The following AHNAK2 variants were observed in gnomAD, a reference collection of about 807,000 sequenced individuals.
AHNAK2 encodes the protein AHNAK nucleoprotein 2.
AHNAK2 carries 18 observed loss-of-function variants against 30.7 expected under a neutral mutation model. The observed-to-expected ratio is 0.59, with a 90% CI of 0.41 to 0.87. AHNAK2 has a LOEUF of 0.87. Ranked by LOEUF, AHNAK2 falls within the 40% of genes least tolerant of loss-of-function variation. The pLI is 0.00. For synonymous variants in AHNAK2, 3,590 were observed against 3,073.8 expected (o/e 1.17, Z -5.56); for missense variants, 8,604 against 7,373.0 (o/e 1.17, Z -6.11).
Position 104,946,420 on chromosome 14 carries a change from C to T in AHNAK2, c.9031G>A (p.Glu3011Lys), listed in dbSNP as rs548105109. 25 of 1,612,698 alleles carry T rather than the reference C, an allele frequency of 1.6e-5. No homozygotes were observed. The highest frequency in any genetic ancestry group is 2.7e-5 in the African/African-American group (2 of 74,640). ...VDVSAPKVEA[E>K]VSLPSMQGDL... ...CCCTGCATGGAGGGGAGGCTCACTTCGGCCTCCACCTTCGGCGCAGACACA... is the reference window on the plus strand; with the variant it reads ...CCCTGCATGGAGGGGAGGCTCACTTTGGCCTCCACCTTCGGCGCAGACACA... Residue 3011 changes from glutamate to lysine, a missense_variant, in exon 7 of 7, where the codon GAA becomes AAA. Glu to Lys is a moderately conservative substitution (Grantham distance 56). Transcript: ENST00000333244.
At position 104,950,821 on chromosome 14, in the gene AHNAK2, G is replaced by C. The variant is rs756908587; in HGVS notation, c.4630C>G (p.Gln1544Glu). 2.0e-5 allele frequency: 31 copies of C among 1,585,902 alleles called. 8 individuals carry two copies. The South Asian group carries it at 3.2e-4, about 17-fold the overall frequency. The change falls in exon 7 of 7, where the codon CAG becomes GAG. Residue 1544 changes from glutamine (Q) to glutamate (E), a missense_variant. Gln to Glu is a conservative substitution (Grantham distance 29, BLOSUM62 2). Transcript: ENST00000333244. Reference sequence around the variant, plus strand: ...ACCTCCAGGTCAGCAGAAGGGGGCTGTATGCTCAGGTCAGTGGCCTTGAGG... The same window carrying C: ...ACCTCCAGGTCAGCAGAAGGGGGCTCTATGCTCAGGTCAGTGGCCTTGAGG... ...GDLKATDLSI[Q>E]PPSADLEVQA... is the part of the protein sequence containing the mutation.
At position 104,942,424 on chromosome 14, in the gene AHNAK2, T is replaced by C. The variant is rs777823044; in HGVS notation, c.13027A>G (p.Thr4343Ala). The C allele has an allele frequency of 2.7e-5, 43 of 1,612,422 alleles. No homozygotes were observed. The highest frequency in any genetic ancestry group is 3.3e-4 in the Middle Eastern group (2 of 6,078). The stretch of plus-strand genomic sequence containing the variant: ...GGGGGCTGAATGCTGAGGTGAGTGG[T>C]CTTCAGGTCCCCCTGCATGGAGGGG... ...SLPSMQGDLKTTHLSIQPPSA... is the reference protein window; with the variant it reads ...SLPSMQGDLKATHLSIQPPSA... Residue 4343 changes from threonine (T) to alanine (A), a missense_variant, in exon 7 of 7, where the codon ACC becomes GCC. Thr to Ala is a moderately conservative substitution (Grantham distance 58). Transcript: ENST00000333244.
intron 1 of AHNAK2, among the ~76,000 whole-genome samples, chr14:104,974,373 C>T (rs1899547692): frequency 6.6e-6 from 1 of 152,262 alleles, no homozygotes; most frequent in Non-Finnish European, 1.5e-5. Flanking sequence ...CAGGACAAAG[C>T]CCTCCCTCCA....
Position 104,953,285 on chromosome 14 carries a change from G to A in AHNAK2, c.2166C>T (p.Asp722=), listed in dbSNP as rs554058247. The stretch of plus-strand genomic sequence containing the variant: ...CAGCGGAAGGGGTCTGGACGCTGAG[G>A]TCAGTGGTCTTGAGGTCCCCCTGCA... The part of the protein sequence containing the change: ...LSMQGDLKTT[D]LSVQTPSADL... Residue 722 remains aspartate, a synonymous_variant, in exon 7 of 7, where the codon GAC becomes GAT. Transcript: ENST00000333244. The A allele has an allele frequency of 1.3e-5, 21 of 1,612,856 alleles. No individual in the cohort carries two copies. Among genetic ancestry groups the A allele is most frequent in the Non-Finnish European group, 1.7e-5 (20 of 1,179,644 alleles).
rs757563020 is a variant in AHNAK2, at chr14:104,951,618, T to A, written c.3833A>T (p.His1278Leu). 3.2e-6 allele frequency: 4 copies of A among 1,244,754 alleles called. No individual in the cohort carries two copies. 77.1% of individuals were successfully genotyped at this position (1,244,754 alleles called of 1,614,324 possible). ...TTCGTGGGCCGTCACCTCTGCCTTA[T>A]GACCTTTCAGGTCCAGCTTGGGGCC... Reference protein sequence around the residue: ...VRGPKLDLKGHKAEVTAHEVA... With the variant: ...VRGPKLDLKGLKAEVTAHEVA... Residue 1278 changes from histidine (H) to leucine (L), a missense_variant, in exon 7 of 7, where the codon CAT (histidine) becomes CTT (leucine). Transcript: ENST00000333244.
chr14:104,960,032 A>G (rs2819446), intron 1 of AHNAK2, among the ~76,000 whole-genome samples: 20,580 of 152,208 alleles, frequency 0.14, 2,443 homozygotes, highest in East Asian at 0.5. Flanking sequence ...TAGATTATAG[A>G]TAATATGTAA....
Position 104,953,420 on chromosome 14 carries a change from C to A in AHNAK2, c.2031G>T (p.Met677Ile), listed in dbSNP as rs766157614. The change falls in exon 7 of 7, where the codon ATG (methionine) becomes ATT (isoleucine). Residue 677 changes from methionine to isoleucine, a missense_variant. Transcript: ENST00000333244. ...CGAACAATGGCATCTTGAACTTGGG[C>A]ATTTTGAACTTGCTGTCTTTGGTGG... ...EVATKDSKFK[M>I]PKFKMPLFGA... 6.8e-6 allele frequency: 11 copies of A among 1,613,932 alleles called. No individual in the cohort carries two copies. In the African/African-American group the frequency reaches 1.5e-4, roughly 22 times the overall value.
At position 104,940,723 on chromosome 14, in the gene AHNAK2, G is replaced by A; in HGVS notation, c.14728C>T (p.Gln4910Ter). The A allele has an allele frequency of 2.5e-6, 4 of 1,612,916 alleles. No individual in the cohort carries two copies. The highest frequency in any genetic ancestry group is 2.2e-5 in the South Asian group (2 of 91,078). The change falls in exon 7 of 7, where the codon CAG becomes TAG. Residue 4910 changes from glutamine (Q) to a stop codon, truncating the protein, a stop_gained. Coordinates refer to ENST00000333244, the MANE Select transcript of AHNAK2 (RefSeq NM_138420.4). LOFTEE classifies it low-confidence loss of function (END_TRUNC). The surrounding 1 kb of genome is among the most constrained non-coding windows in gnomAD (Gnocchi z 4.4). ...ACACAGGTGCCTGGGGATGGCAGCT[G>A]GGTGCTTGGCAAGGGGCACTGCACT... ...ERVQCPLPST[Q>*]LPSPGTCVSQ... is the part of the protein sequence containing the mutation.
In AHNAK2 at chr14:104,940,384, T is replaced by C. The variant is rs764443023; in HGVS notation, c.15067A>G (p.Met5023Val). ...ATTTTGGGAAGTGCAAGTTTTGGCA[T>C]GGCAAAGCCAGGCTTTGTGCTCCTC... is the stretch of plus-strand genomic sequence containing the variant. ...KGRSTKPGFA[M>V]PKLALPKMKA... Residue 5023 changes from methionine to valine, a missense_variant, in exon 7 of 7, where the codon ATG (methionine) becomes GTG (valine). Coordinates refer to ENST00000333244, the MANE Select transcript of AHNAK2 (RefSeq NM_138420.4). This position sits in a 1 kb window ranked among gnomAD's most constrained non-coding sequence, Gnocchi z 4.4. 1 of 1,613,936 alleles carries C rather than the reference T, an allele frequency of 6.2e-7. No individual in the cohort carries two copies. The highest frequency in any genetic ancestry group is 8.5e-7 in the Non-Finnish European group (1 of 1,179,882).
At chr14:104,964,789 G>T (rs181100215) in intron 1 of AHNAK2, among the ~76,000 whole-genome samples, 288 of 152,300 alleles carry the variant, frequency 1.9e-3, no homozygotes, top group Middle Eastern at 3.4e-3. Flanking sequence ...GGCAGACAGG[G>T]TCTCCTGGAG....
At position 104,940,704 on chromosome 14, in the gene AHNAK2, G is replaced by A. The variant is rs761068055; in HGVS notation, c.14747C>T (p.Thr4916Ile). 5.6e-6 allele frequency: 9 copies of A among 1,613,042 alleles called. No homozygotes were observed. Among genetic ancestry groups the A allele is most frequent in the South Asian group, 3.3e-5 (3 of 91,086 alleles). The change falls in exon 7 of 7, where the codon ACC (threonine) becomes ATC (isoleucine). Residue 4916 changes from threonine (T) to isoleucine (I), a missense_variant. Physicochemically the swap from Thr to Ile is moderately conservative, Grantham distance 89 (BLOSUM62 -1). Transcript: ENST00000333244. This position sits in a 1 kb window ranked among gnomAD's most constrained non-coding sequence, Gnocchi z 4.4. The stretch of plus-strand genomic sequence containing the variant: ...CTCTTCTGGGCCCTGAGACACACAG[G>A]TGCCTGGGGATGGCAGCTGGGTGCT... Reference protein sequence around the residue: ...LPSTQLPSPGTCVSQGPEELV... With the variant: ...LPSTQLPSPGICVSQGPEELV...
rs778423016 is a variant in AHNAK2, at chr14:104,943,418, G to A, written c.12033C>T (p.Leu4011=). The change falls in exon 7 of 7, where the codon CTC becomes CTT. Residue 4011 remains leucine, a synonymous_variant. Coordinates refer to ENST00000333244, the MANE Select transcript of AHNAK2 (RefSeq NM_138420.4). ...GCTGAACGCTGAGGTCAGTGGCCTT[G>A]AGGTCCCCCTGCATGGAAGGGAGGC... The part of the protein sequence containing the change: ...DVSLPSMQGD[L]KATDLSVQPP... The A allele has an allele frequency of 6.2e-7, 1 of 1,613,034 alleles. No individual in the cohort carries two copies. Among genetic ancestry groups the A allele is most frequent in the Non-Finnish European group, 8.5e-7 (1 of 1,179,590 alleles).
At position 104,951,966 on chromosome 14, in the gene AHNAK2, C is replaced by A. The variant is rs140082598; in HGVS notation, c.3485G>T (p.Arg1162Met). Residue 1162 changes from arginine (R) to methionine (M), a missense_variant, in exon 7 of 7, where the codon AGG becomes ATG. Transcript: ENST00000333244. ...CATCTTGAACTTGGGCATTTTGAAC[C>A]TGCTGTCTTTGGCAGTCACATCCTT... ...ADKDVTAKDS[R>M]FKMPKFKMPS... is the part of the protein sequence containing the mutation. 5.0e-6 allele frequency: 8 copies of A among 1,606,190 alleles called. No homozygotes were observed. The South Asian group carries it at 8.8e-5, about 18-fold the overall frequency.
In AHNAK2 at chr14:104,949,515, T is replaced by G. The variant is rs1452141714; in HGVS notation, c.5936A>C (p.Lys1979Thr). 6.3e-7 allele frequency: 1 copy of G among 1,588,120 alleles called. No individual in the cohort carries two copies. Among genetic ancestry groups the G allele is most frequent in the East Asian group, 2.2e-5 (1 of 44,674 alleles). The change falls in exon 7 of 7, where the codon AAG (lysine) becomes ACG (threonine). Residue 1979 changes from lysine to threonine, a missense_variant. Lys to Thr is a moderately conservative substitution (Grantham distance 78, BLOSUM62 -1). Transcript: ENST00000333244. ...CTTGCTGTCTTTGGCAGTCATGTCC[T>G]TGTCGGCCAGGGACAGGTCTCCCTC... is the stretch of plus-strand genomic sequence containing the variant. ...RLEGDLSLAD[K>T]DMTAKDSKFK...
Position 104,953,514 on chromosome 14 carries a change from G to C in AHNAK2, c.1937C>G (p.Thr646Arg). The C allele has an allele frequency of 6.2e-7, 1 of 1,613,866 alleles. No homozygotes were observed. The highest frequency in any genetic ancestry group is 8.5e-7 in the Non-Finnish European group (1 of 1,179,866). ...KEDSDSMTNTTKIQLIHDEKR... is the reference protein window; with the variant it reads ...KEDSDSMTNTRKIQLIHDEKR... ...TTCATCGTGTATTAGTTGTATTTTT[G>C]TTGTGTTTGTCATTGAGTCACTGTC... The change falls in exon 7 of 7, where the codon ACA becomes AGA. Residue 646 changes from threonine to arginine, a missense_variant. Thr to Arg is a moderately conservative substitution (Grantham distance 71). Transcript: ENST00000333244.
chr14:104,946,943 C>T lies in AHNAK2; in HGVS notation c.8508G>A (p.Val2836=), dbSNP rs1237348772. Residue 2836 remains valine (V), a synonymous_variant, in exon 7 of 7, where the codon GTG becomes GTA. Transcript: ENST00000333244. ...CTTCCACCTTCAGCTCAGACACATC[C>T]ACCGAGGCCTCGATGGACTTGCCTG... is the stretch of plus-strand genomic sequence containing the variant. ...SAPGKSIEAS[V]DVSELKVEAD... is the part of the protein sequence containing the mutation. 1 of 1,612,772 alleles carries T rather than the reference C, an allele frequency of 6.2e-7. No individual in the cohort carries two copies. Among genetic ancestry groups the T allele is most frequent in the Non-Finnish European group, 8.5e-7 (1 of 1,179,724 alleles).
chr14:104,946,493 C>G lies in AHNAK2; in HGVS notation c.8958G>C (p.Pro2986=), dbSNP rs747428156. ...SKFKMPKFKM[P]SFGVSAPGKS... ...TGCCTGGGGCAGACACCCCGAACGACGGCATCTTGAACTTGGGCATTTTGA... is the reference window on the plus strand; with the variant it reads ...TGCCTGGGGCAGACACCCCGAACGAGGGCATCTTGAACTTGGGCATTTTGA... Residue 2986 remains proline, a synonymous_variant, in exon 7 of 7, where the codon CCG becomes CCC. Transcript: ENST00000333244. 15 of 1,612,392 alleles carry G rather than the reference C, an allele frequency of 9.3e-6. No individual in the cohort carries two copies. Among genetic ancestry groups the G allele is most frequent in the Admixed American group, 6.7e-5 (4 of 59,888 alleles).
rs1411740417 is a variant in AHNAK2, at chr14:104,942,583, C to G, written c.12868G>C (p.Asp4290His). 4 of 1,613,152 alleles carry G rather than the reference C, an allele frequency of 2.5e-6. No individual in the cohort carries two copies. Among genetic ancestry groups the G allele is most frequent in the Non-Finnish European group, 3.4e-6 (4 of 1,179,568 alleles). Residue 4290 changes from aspartate (D) to histidine (H), a missense_variant, in exon 7 of 7, where the codon GAC becomes CAC. Coordinates refer to ENST00000333244, the MANE Select transcript of AHNAK2 (RefSeq NM_138420.4). Reference sequence around the variant, plus strand: ...AACTTGCTGTCTTTGGCAGTCATGTCCTTGTCGGCTAGGGACAGGTCACCC... The same window carrying G: ...AACTTGCTGTCTTTGGCAGTCATGTGCTTGTCGGCTAGGGACAGGTCACCC... ...LEGDLSLADKDMTAKDSKFKM... is the reference protein window; with the variant it reads ...LEGDLSLADKHMTAKDSKFKM...
At position 104,978,178 on chromosome 14, in the gene AHNAK2, C is replaced by T; in HGVS notation, c.55+5G>A. 8.3e-7 allele frequency: 1 copy of T among 1,211,922 alleles called. No homozygotes were observed. 75.1% of individuals were successfully genotyped at this position (1,211,922 alleles called of 1,614,324 possible). A position where few individuals can be genotyped will look rare whatever the true frequency, so the allele number is the denominator to read the frequency against. ...GGAGCGGGCTGCAGGCGGGGAGGGGCGCACCGCTGCCGGGGGTTCCGGGCC... is the reference window on the plus strand; with the variant it reads ...GGAGCGGGCTGCAGGCGGGGAGGGGTGCACCGCTGCCGGGGGTTCCGGGCC... On this transcript the variant is annotated splice_donor_5th_base_variant and intron_variant, in intron 1 of 6. Transcript: ENST00000333244.
Sources: gnomAD v4.1 joint callset for allele counts (sites outside exome capture counted in the v4.1 genomes callset) on GRCh38, gnomAD v4.1.1 for gene constraint, Gnocchi (gnomAD v3.1) non-coding constraint, MANE v1.5 for transcripts, NCBI Gene and HGNC (gene_info 2026-07-23, HGNC 2026-07-21) for gene names.